IQCH: variants seen among roughly 807,000 people sequenced by gnomAD.
IQCH encodes the protein IQ motif containing H.
In IQCH, 98 loss-of-function variants were observed where a neutral mutation model predicts 117.0. The ratio of observed to expected loss-of-function variants is 0.84; its 90% confidence interval spans 0.71 to 0.99. The LOEUF is 0.99. Among genes scored for constraint, IQCH ranks in the 50% least tolerant of loss-of-function variants. The pLI, the probability that IQCH is intolerant of heterozygous loss-of-function variation, is 0.00. For missense variants in IQCH, 1,102 were observed against 1,243.8 expected (o/e 0.89, Z 1.72); for synonymous variants, 412 against 448.2 (o/e 0.92, Z 1.02).
At position 67,400,240 on chromosome 15, in the gene IQCH, T is replaced by C. The variant is rs1363653733; in HGVS notation, c.2032T>C (p.Tyr678His). The C allele has an allele frequency of 1.2e-6, 2 of 1,613,572 alleles. No homozygotes were observed. The change falls in exon 14 of 21, where the codon TAC becomes CAC. Residue 678 changes from tyrosine (Y) to histidine (H), a missense_variant. This residue lies in a region of IQCH where 650 missense variants were observed against 794.3 expected (regional missense o/e 0.82). Transcript: ENST00000335894. Reference protein sequence around the residue: ...FCDIPSYLKCYKWVLKESSRY... With the variant: ...FCDIPSYLKCHKWVLKESSRY... ...TGATATTCCTTCCTACCTAAAGTGCTACAAATGGGTGCTAAAGGAGAGTAG... is the reference window on the plus strand; with the variant it reads ...TGATATTCCTTCCTACCTAAAGTGCCACAAATGGGTGCTAAAGGAGAGTAG...
rs969874285 is a variant in IQCH at position 67,453,688 on chromosome 15, A to T, written c.2506-11439A>T. Among the ~76,000 whole-genome samples, 3 of 152,178 alleles carry T rather than the reference A, an allele frequency of 2.0e-5. No individual in the cohort carries two copies. The highest frequency in any genetic ancestry group is 7.2e-5 in the African/African-American group (3 of 41,456). On this transcript the variant is annotated intron_variant, in intron 16 of 20. Coordinates refer to ENST00000335894, the MANE Select transcript of IQCH (RefSeq NM_001031715.3). This position sits in a 1 kb window ranked among gnomAD's most constrained non-coding sequence, Gnocchi z 5.8. ...TCAGGGGTCAGGGACCCACTTGAGG[A>T]GGCAGTCTGCCCGTTCTCAGATCTC...
rs56169521 is a variant in IQCH at position 67,370,971 on chromosome 15, T to G, written c.754-1140T>G. ...ATTATGGATAAATTGCTGGGGGGGGTTTTCTTTGAGTTTTTTGAAAACTCT... is the reference window on the plus strand; with the variant it reads ...ATTATGGATAAATTGCTGGGGGGGGGTTTCTTTGAGTTTTTTGAAAACTCT... On this transcript the variant is annotated intron_variant, in intron 8 of 20. Transcript: ENST00000335894. The surrounding 1 kb of genome is among the most constrained non-coding windows in gnomAD (Gnocchi z 5.6). Among the ~76,000 whole-genome samples, 67,902 of 146,342 alleles carry G rather than the reference T, an allele frequency of 0.46. 15,938 individuals are homozygous for G. The highest frequency in any genetic ancestry group is 0.51 in the Non-Finnish European group (34,067 of 66,316).
chr15:67,394,896 T>C (rs1287478084), intron 12 of IQCH, among the ~76,000 whole-genome samples: 1 of 152,186 alleles, frequency 6.6e-6, no homozygotes, highest in African/African-American at 2.4e-5. Context: ...AAGTAAAGAA[T>C]GTTATGAGGC....
intron 4 of IQCH, among the ~76,000 whole-genome samples, chr15:67,316,637 C>T (rs931275149): frequency 1.3e-5 from 2 of 152,172 alleles, no homozygotes; most frequent in Non-Finnish European, 2.9e-5. Context: ...GTACACTTTA[C>T]ATGGATCATC....
intron 6 of IQCH, among the ~76,000 whole-genome samples, chr15:67,355,429 T>C (rs1426922787): frequency 6.6e-6 from 1 of 151,336 alleles, no homozygotes; most frequent in Non-Finnish European, 1.5e-5. Context: ...TACCAAAAAA[T>C]ACAAAAAAAA....
At chr15:67,317,656 T>G (rs1263583484) in intron 4 of IQCH, among the ~76,000 whole-genome samples, 2 of 152,196 alleles carry the variant, frequency 1.3e-5, no homozygotes, top group East Asian at 3.8e-4. Flanking sequence ...TTGTTAGATC[T>G]CCTGGAAGGC....
chr15:67,295,764 G>A (rs1370108589), intron 4 of IQCH, among the ~76,000 whole-genome samples: 5 of 152,072 alleles, frequency 3.3e-5, no homozygotes, highest in African/African-American at 4.8e-5. Context: ...TATATTCTGT[G>A]CCTTCTCTCT....
chr15:67,440,110 A>G (rs2082232905), intron 16 of IQCH, among the ~76,000 whole-genome samples: 1 of 152,164 alleles, frequency 6.6e-6, no homozygotes, highest in African/African-American at 2.4e-5. Flanking sequence ...CATAAACTAG[A>G]AAACCTAGAA....
intron 4 of IQCH, among the ~76,000 whole-genome samples, chr15:67,305,903 GT>G (rs1312806778): frequency 2.6e-5 from 4 of 152,092 alleles, no homozygotes; most frequent in Non-Finnish European, 4.4e-5. Flanking sequence ...TGCCTTGGAT[GT>G]TGTATCTACA....
In IQCH at chr15:67,421,465, T is replaced by G. The variant is rs1201775604; in HGVS notation, c.2393T>G (p.Val798Gly). The G allele has an allele frequency of 1.9e-6, 3 of 1,614,086 alleles. No homozygotes were observed. Among genetic ancestry groups the G allele is most frequent in the Non-Finnish European group, 2.5e-6 (3 of 1,180,032 alleles). Residue 798 changes from valine (V) to glycine (G), a missense_variant, in exon 16 of 21, where the codon GTT becomes GGT. Physicochemically the swap from Val to Gly is moderately radical, Grantham distance 109. Coordinates refer to ENST00000335894, the MANE Select transcript of IQCH (RefSeq NM_001031715.3). ...TVPQTSVDPQ[V>G]LTYLCLQIGK... ...CCTCAGACCTCAGTGGATCCCCAAG[T>G]TCTCACTTATTTGTGCCTCCAAATT...
At chr15:67,367,445 G>A (rs1970374539) in intron 8 of IQCH, among the ~76,000 whole-genome samples, 1 of 152,094 alleles carries the variant, frequency 6.6e-6, no homozygotes, top group Non-Finnish European at 1.5e-5. Flanking sequence ...AAGCTGAGGT[G>A]AGAGGATCAC....
At chr15:67,423,600 A>AG (rs1296944506) in intron 16 of IQCH, among the ~76,000 whole-genome samples, 3 of 150,878 alleles carry the variant, frequency 2.0e-5, no homozygotes, top group Non-Finnish European at 4.4e-5. Context: ...AAAAAAAAAA[A>AG]AAAGAAAGAA....
chr15:67,416,812 TG>T lies in IQCH; in HGVS notation c.2098-116del. The T allele has an allele frequency of 1.5e-6, 1 of 689,288 alleles. No individual in the cohort carries two copies. Among genetic ancestry groups the T allele is most frequent in the Non-Finnish European group, 2.1e-6 (1 of 466,606 alleles). The allele number at this position is 689,288 out of a possible 1,614,324, so 42.7% of individuals were successfully genotyped here. On this transcript the variant is annotated intron_variant, in intron 14 of 20. Coordinates refer to ENST00000335894, the MANE Select transcript of IQCH (RefSeq NM_001031715.3). The surrounding 1 kb of genome is among the most constrained non-coding windows in gnomAD (Gnocchi z 5.1). ...CATTTTCAAAATGGCTTTCTGACTC[TG>T]GGTAAACAGTAACCACATTTTTTTT... is the stretch of plus-strand genomic sequence containing the variant.
rs956538069 is a variant in IQCH, at chr15:67,494,696, C to A, written c.2970+330C>A. On this transcript the variant is annotated intron_variant, in intron 20 of 20. Transcript: ENST00000335894. This position sits in a 1 kb window ranked among gnomAD's most constrained non-coding sequence, Gnocchi z 5.5. The stretch of plus-strand genomic sequence containing the variant: ...CAGAGATCGTCACAACCAAAAATTG[C>A]GAATGTTATCTATCTATATTCCAGA... 6.6e-6 allele frequency among the ~76,000 whole-genome samples: 1 copy of A among 152,110 alleles called. No homozygotes were observed. The highest frequency in any genetic ancestry group is 2.1e-4 in the South Asian group (1 of 4,816).
rs2082040900 is a variant in IQCH, at chr15:67,432,466, T to G, written c.2505+10889T>G. ...TAGTGTGATACTGTAGACAATTCAC[T>G]TGACCAATCTGAGCCTTGTTTTTTT... On this transcript the variant is annotated intron_variant, in intron 16 of 20. Coordinates refer to ENST00000335894, the MANE Select transcript of IQCH (RefSeq NM_001031715.3). This position sits in a 1 kb window ranked among gnomAD's most constrained non-coding sequence, Gnocchi z 5.0. Among the ~76,000 whole-genome samples the G allele has an allele frequency of 6.6e-6, 1 of 152,256 alleles. No individual in the cohort carries two copies. The highest frequency in any genetic ancestry group is 1.5e-5 in the Non-Finnish European group (1 of 68,052).
chr15:67,371,793 A>T (rs1970543440), intron 8 of IQCH, among the ~76,000 whole-genome samples: 1 of 152,188 alleles, frequency 6.6e-6, no homozygotes, highest in East Asian at 1.9e-4. Context: ...TAAATCACAG[A>T]GATTGGGGGT....
chr15:67,449,544 G>A (rs1214565980), intron 16 of IQCH, among the ~76,000 whole-genome samples: 1 of 152,138 alleles, frequency 6.6e-6, no homozygotes, highest in East Asian at 1.9e-4. Context: ...TAGATATGCG[G>A]CATTATTTCT....
chr15:67,355,662 C>T (rs1342622192), intron 6 of IQCH, among the ~76,000 whole-genome samples: 4 of 152,008 alleles, frequency 2.6e-5, no homozygotes, highest in African/African-American at 9.7e-5. Context: ...GGATTTTTTC[C>T]TCTCCATTAA....
chr15:67,270,330 T>G (rs915595458), intron 3 of IQCH, among the ~76,000 whole-genome samples: 7 of 152,236 alleles, frequency 4.6e-5, no homozygotes, highest in African/African-American at 1.7e-4. Flanking sequence ...AGTTTCTCCC[T>G]GTTTAGTATG....
Sources: allele counts gnomAD v4.1 joint callset (sites outside exome capture counted in the v4.1 genomes callset), GRCh38; gene constraint gnomAD v4.1.1; regional missense constraint gnomAD v4.1.1; non-coding constraint Gnocchi (gnomAD v3.1); transcripts MANE v1.5; gene names NCBI Gene and HGNC (gene_info 2026-07-23, HGNC 2026-07-21).